BICD1: variants seen among roughly 807,000 people sequenced by gnomAD.
BICD1 encodes BICD cargo adaptor 1.
A neutral mutation model predicts 92.5 loss-of-function variants in BICD1; 35 were observed. The ratio of observed to expected loss-of-function variants is 0.38; its 90% CI spans 0.29 to 0.50. The LOEUF (loss-of-function observed/expected upper bound fraction) is 0.50. BICD1 is among the 20% of genes least tolerant of loss of function. BICD1 has a pLI of 0.93. For synonymous variants in BICD1, 429 were observed against 465.1 expected (o/e 0.92, Z 1.00); for missense variants, 950 against 1,189.8 (o/e 0.80, Z 2.97).
chr12:32,143,568 T>G (rs1943016633), intron 1 of BICD1, among the ~76,000 whole-genome samples: 1 of 152,220 alleles, frequency 6.6e-6, no homozygotes, highest in African/African-American at 2.4e-5. Context: ...TTATCCATTT[T>G]TTAGTTGATG....
intron 2 of BICD1, among the ~76,000 whole-genome samples, chr12:32,236,265 C>T (rs1161184643): frequency 6.6e-6 from 1 of 151,718 alleles, no homozygotes; most frequent in Non-Finnish European, 1.5e-5. Flanking sequence ...TGTGGTGACG[C>T]ACACCTGTAG....
rs147888466 is a variant in BICD1, at chr12:32,310,239, C to T, written c.1005+4117C>T. 9.7e-3 allele frequency among the ~76,000 whole-genome samples: 1,476 copies of T among 152,294 alleles called. 31 individuals carry two copies. Among genetic ancestry groups the T allele is most frequent in the African/African-American group, 0.033 (1,390 of 41,544 alleles). ...TAAAAGAGTAGATTTTAAGTGTTCT[C>T]AGTGTTGTAGAACCCCTAAATGTAG... is the stretch of plus-strand genomic sequence containing the variant. On this transcript the variant is annotated intron_variant, in intron 4 of 9. Coordinates refer to ENST00000652176, the MANE Select transcript of BICD1 (RefSeq NM_001714.4).
In BICD1 at chr12:32,256,784, C is replaced by T. The variant is rs570908002; in HGVS notation, c.427-37210C>T. 4.6e-5 allele frequency among the ~76,000 whole-genome samples: 7 copies of T among 152,112 alleles called. No homozygotes were observed. The South Asian group carries it at 6.2e-4, about 14-fold the overall frequency. On this transcript the variant is annotated intron_variant, in intron 2 of 9. Transcript: ENST00000652176. Reference sequence around the variant, plus strand: ...TAAAAAGGAAGTTATGAGCATTACACGAAATAAACACTGACATGAACAGAT... The same window carrying T: ...TAAAAAGGAAGTTATGAGCATTACATGAAATAAACACTGACATGAACAGAT...
intron 2 of BICD1, among the ~76,000 whole-genome samples, chr12:32,243,285 T>G (rs969678321): frequency 2.7e-4 from 36 of 134,656 alleles, no homozygotes; most frequent in Non-Finnish European, 4.7e-4. Context: ...TTTTTTTTTT[T>G]GTATTTTTGG....
Position 32,328,330 on chromosome 12 carries a change from C to T in BICD1, c.1875C>T (p.Ile625=). Residue 625 remains isoleucine (I), a synonymous_variant, in exon 5 of 10, where the codon ATC becomes ATT. Coordinates refer to ENST00000652176, the MANE Select transcript of BICD1 (RefSeq NM_001714.4). The surrounding 1 kb of genome is among the most constrained non-coding windows in gnomAD (Gnocchi z 4.4). ...ACATCCGCAAAGAGCCAATGAATAT[C>T]TACAACCTTAATGCCATAATCCGGG... ...TSDIRKEPMN[I]YNLNAIIRDQ... is the part of the protein sequence containing the mutation. The T allele has an allele frequency of 6.2e-7, 1 of 1,614,248 alleles. No individual in the cohort carries two copies. Among genetic ancestry groups the T allele is most frequent in the Non-Finnish European group, 8.5e-7 (1 of 1,180,040 alleles).
intron 2 of BICD1, among the ~76,000 whole-genome samples, chr12:32,231,559 C>CTTTA (rs150346060): frequency 0.024 from 3,571 of 147,750 alleles, 58 homozygotes; most frequent in Non-Finnish European, 0.028. Context: ...TTTGTGACTG[C>CTTTA]TTTATTTATT....
At chr12:32,153,324 A>G (rs57735320) in intron 1 of BICD1, among the ~76,000 whole-genome samples, 5,420 of 152,188 alleles carry the variant, frequency 0.036, 326 homozygotes, top group African/African-American at 0.12. Flanking sequence ...TGTTGATGGG[A>G]ACCTAAATTG....
chr12:32,267,067 C>T (rs1340541516), intron 2 of BICD1, among the ~76,000 whole-genome samples: 1 of 152,150 alleles, frequency 6.6e-6, no homozygotes, highest in Non-Finnish European at 1.5e-5. Flanking sequence ...CAGAGGCTGA[C>T]ATGTCATGCA....
intron 1 of BICD1, among the ~76,000 whole-genome samples, chr12:32,115,124 T>C (rs954717440): frequency 6.6e-6 from 1 of 152,174 alleles, no homozygotes; most frequent in Non-Finnish European, 1.5e-5. Flanking sequence ...CCCAAAGTGC[T>C]GGGATTACAG....
intron 1 of BICD1, among the ~76,000 whole-genome samples, chr12:32,158,465 A>G (rs1184609998): frequency 1.3e-5 from 2 of 152,160 alleles, no homozygotes; most frequent in Admixed American, 6.5e-5. Context: ...CTGTATAAAA[A>G]AGAAAAATTT....
chr12:32,204,900 T>G (rs1945004799), intron 1 of BICD1, among the ~76,000 whole-genome samples: 1 of 152,202 alleles, frequency 6.6e-6, no homozygotes, highest in African/African-American at 2.4e-5. Flanking sequence ...ACCCCACGCA[T>G]CATCCCTTTC....
At position 32,181,977 on chromosome 12, in the gene BICD1, A is replaced by T. The variant is rs368556065; in HGVS notation, c.214-34270A>T. On this transcript the variant is annotated intron_variant, in intron 1 of 9. Transcript: ENST00000652176. ...GAATTGTGATAGTAATTGCTCTAAG[A>T]TGCATTCTGTTTACAAAGACTAACA... Among the ~76,000 whole-genome samples, 7 of 152,098 alleles carry T rather than the reference A, an allele frequency of 4.6e-5. No individual in the cohort carries two copies. In the South Asian group the frequency reaches 8.3e-4, roughly 18 times the overall value.
rs76845282 is a variant in BICD1 at position 32,382,026 on chromosome 12, C to T, written c.*4399C>T. ...TACTTTTTTACCTTAAAATCAACTT[C>T]TATGGAACTACAAGATCAATCTAGC... On this transcript the variant is annotated 3_prime_UTR_variant, in exon 10 of 10. Transcript: ENST00000652176. 265 of 152,192 alleles carry T rather than the reference C, an allele frequency of 1.7e-3. 1 individual carries two copies. Among genetic ancestry groups the T allele is most frequent in the African/African-American group, 6.0e-3 (251 of 41,544 alleles). 9.4% of individuals were successfully genotyped at this position (152,192 alleles called of 1,614,324 possible).
chr12:32,327,502 G>A lies in BICD1; in HGVS notation c.1047G>A (p.Glu349=). The change falls in exon 5 of 10, where the codon GAG becomes GAA. Residue 349 remains glutamate (E), a synonymous_variant. Coordinates refer to ENST00000652176, the MANE Select transcript of BICD1 (RefSeq NM_001714.4). The part of the protein sequence containing the change: ...EKAILLANLQ[E]SQTQLEHTKG... ...CCATTCTTTTGGCCAACCTACAGGA[G>A]TCACAGACACAGCTGGAACACACCA... The A allele has an allele frequency of 6.2e-7, 1 of 1,612,334 alleles. No individual in the cohort carries two copies. Among genetic ancestry groups the A allele is most frequent in the East Asian group, 2.2e-5 (1 of 44,850 alleles).
chr12:32,283,420 C>G (rs1033719722), intron 2 of BICD1, among the ~76,000 whole-genome samples: 1 of 146,232 alleles, frequency 6.8e-6, no homozygotes. Flanking sequence ...ACAGCTGAAA[C>G]TAGTCCCCAG....
At chr12:32,131,202 CTT>C (rs1942534390) in intron 1 of BICD1, among the ~76,000 whole-genome samples, 1 of 152,144 alleles carries the variant, frequency 6.6e-6, no homozygotes, top group Admixed American at 6.6e-5. Context: ...CCCCTTATCA[CTT>C]ATCTCTAATT....
chr12:32,128,101 A>C (rs1053000425), intron 1 of BICD1, among the ~76,000 whole-genome samples: 1 of 152,060 alleles, frequency 6.6e-6, no homozygotes, highest in African/African-American at 2.4e-5. Context: ...ACAGGGTTTC[A>C]CCGTGTTGGC....
At chr12:32,362,051 A>G (rs1939350912) in intron 8 of BICD1, among the ~76,000 whole-genome samples, 1 of 152,174 alleles carries the variant, frequency 6.6e-6, no homozygotes, top group African/African-American at 2.4e-5. Context: ...TCCCTAAGGC[A>G]TTGACTTTTA....
At chr12:32,202,201 G>A (rs761420546) in intron 1 of BICD1, among the ~76,000 whole-genome samples, 11 of 152,192 alleles carry the variant, frequency 7.2e-5, no homozygotes, top group South Asian at 6.2e-4. Context: ...GGCAGATGGC[G>A]TCTGTTTGGT....
Sources: allele counts gnomAD v4.1 joint callset (sites outside exome capture counted in the v4.1 genomes callset), GRCh38; gene constraint gnomAD v4.1.1; non-coding constraint Gnocchi (gnomAD v3.1); transcripts MANE v1.5; gene names NCBI Gene and HGNC (gene_info 2026-07-23, HGNC 2026-07-21).